Variants in STK39 observed in about 807,000 individuals in gnomAD.
STK39 encodes serine/threonine kinase 39, also known as STE20/SPS1-related proline-alanine-rich protein kinase.
A neutral mutation model predicts 77.8 loss-of-function variants in STK39; 20 were observed. That is an observed-to-expected ratio of 0.26 (90% CI 0.18 to 0.37). The LOEUF (loss-of-function observed/expected upper bound fraction) is 0.37, where lower values mean the gene tolerates loss of function less well. Among genes scored for constraint, STK39 ranks in the 10% least tolerant of loss-of-function variants. The pLI, the probability that STK39 is intolerant of heterozygous loss-of-function variation, is 1.00. For missense variants in STK39, 479 were observed against 656.5 expected, an observed-to-expected ratio of 0.73 and a Z score of 2.95; for synonymous variants, 246 against 234.1, an observed-to-expected ratio of 1.05 and a Z score of -0.47.
At chr2:168,199,547 A>G (rs1435378989) in intron 1 of STK39, among the ~76,000 whole-genome samples, 2 of 133,758 alleles carry the variant, frequency 1.5e-5, no homozygotes, top group African/African-American at 3.0e-5. Flanking sequence ...TTTTTTTTTT[A>G]GACAGAGTCT....
At chr2:168,187,264 T>C (rs986039570) in intron 1 of STK39, among the ~76,000 whole-genome samples, 7 of 151,538 alleles carry the variant, frequency 4.6e-5, no homozygotes, top group Non-Finnish European at 8.8e-5. Context: ...GGTGGGAGAA[T>C]CACTTGAACC....
At chr2:168,063,356 G>T in intron 14 of STK39, 144 bp downstream of exon 14, 1 of 668,394 alleles carries the variant, frequency 1.5e-6, no homozygotes, top group Non-Finnish European at 2.5e-6. Flanking sequence ...TTAGCCCTGG[G>T]AATACAGCAT....
chr2:168,115,093 C>A (rs1013152173), intron 10 of STK39, among the ~76,000 whole-genome samples: 1 of 152,166 alleles, frequency 6.6e-6, no homozygotes, highest in Non-Finnish European at 1.5e-5. Context: ...CTCGTATAAT[C>A]TAATCTCTCC....
intron 1 of STK39, among the ~76,000 whole-genome samples, chr2:168,241,830 T>C (rs1410984202): frequency 1.3e-5 from 2 of 152,224 alleles, no homozygotes; most frequent in Non-Finnish European, 2.9e-5. Context: ...CATTCTCTCA[T>C]TCCTCACAAC....
intron 10 of STK39, among the ~76,000 whole-genome samples, chr2:168,090,130 C>A (rs1279060534): frequency 6.6e-6 from 1 of 152,140 alleles, no homozygotes; most frequent in Non-Finnish European, 1.5e-5. Context: ...GTTAAGGTGG[C>A]ATTTGCTACA....
chr2:168,246,444 C>A (rs1371786996), intron 1 of STK39, among the ~76,000 whole-genome samples: 1 of 152,248 alleles, frequency 6.6e-6, no homozygotes, highest in Non-Finnish European at 1.5e-5. Context: ...AGATCACCGG[C>A]AGCCTCGGAT....
chr2:167,989,773 G>T (rs1314789958), intron 16 of STK39, among the ~76,000 whole-genome samples: 1 of 151,898 alleles, frequency 6.6e-6, no homozygotes, highest in African/African-American at 2.4e-5. Context: ...ATTATAGACA[G>T]GAAATTTTAA....
At chr2:168,201,131 C>G (rs898271273) in intron 1 of STK39, among the ~76,000 whole-genome samples, 1 of 152,224 alleles carries the variant, frequency 6.6e-6, no homozygotes, top group African/African-American at 2.4e-5. Context: ...AAAGGCACAT[C>G]TCATATGGTT....
chr2:168,023,116 A>C (rs1371355812), intron 14 of STK39, among the ~76,000 whole-genome samples: 1 of 151,984 alleles, frequency 6.6e-6, no homozygotes, highest in Non-Finnish European at 1.5e-5. Flanking sequence ...GGGTCTTGCT[A>C]TGTTGCTGAG....
intron 14 of STK39, among the ~76,000 whole-genome samples, chr2:168,017,569 T>C (rs1574395475): frequency 6.6e-6 from 1 of 151,752 alleles, no homozygotes; most frequent in African/African-American, 2.4e-5. Flanking sequence ...ATGGGGTTTC[T>C]CCATGTTGGT....
chr2:168,151,180 A>C (rs1688271727), intron 5 of STK39, among the ~76,000 whole-genome samples: 2 of 152,206 alleles, frequency 1.3e-5, no homozygotes, highest in Admixed American at 1.3e-4. Flanking sequence ...TTAATGAGGG[A>C]GCAGTAGTCA....
At chr2:168,226,145 C>G (rs1440482843) in intron 1 of STK39, among the ~76,000 whole-genome samples, 1 of 152,110 alleles carries the variant, frequency 6.6e-6, no homozygotes, top group Non-Finnish European at 1.5e-5. Flanking sequence ...AGCAGGTGGG[C>G]ATGAGCAAAG....
chr2:168,180,000 T>C (rs1459250488), intron 2 of STK39, among the ~76,000 whole-genome samples: 1 of 139,162 alleles, frequency 7.2e-6, no homozygotes, highest in East Asian at 2.4e-4. Context: ...TGTATCAATA[T>C]TCTGCTAATG....
At chr2:168,133,636 T>C (rs1189600610) in intron 8 of STK39, among the ~76,000 whole-genome samples, 1 of 151,950 alleles carries the variant, frequency 6.6e-6, no homozygotes, top group African/African-American at 2.4e-5. Flanking sequence ...GGAGGCCAGA[T>C]CACTTGAGGT....
At chr2:168,077,471 T>C (rs1686110401) in intron 10 of STK39, among the ~76,000 whole-genome samples, 1 of 152,174 alleles carries the variant, frequency 6.6e-6, no homozygotes, top group African/African-American at 2.4e-5. Flanking sequence ...AAACAAAATG[T>C]CTAGGATTAT....
At chr2:168,023,382 A>G (rs1574400683) in intron 14 of STK39, among the ~76,000 whole-genome samples, 2 of 152,226 alleles carry the variant, frequency 1.3e-5, no homozygotes, top group East Asian at 3.9e-4. Flanking sequence ...CGAACAATCA[A>G]ACGAGGCAGC....
intron 17 of STK39, among the ~76,000 whole-genome samples, chr2:167,957,041 T>C (rs1691804720): frequency 6.6e-6 from 1 of 152,128 alleles, no homozygotes; most frequent in African/African-American, 2.4e-5. Flanking sequence ...GTTCATAGTG[T>C]ACTGTTTTTT....
intron 1 of STK39, among the ~76,000 whole-genome samples, chr2:168,190,844 G>A (rs1367300551): frequency 6.6e-6 from 1 of 152,130 alleles, no homozygotes; most frequent in Admixed American, 6.5e-5. Context: ...AAAACTTCCT[G>A]TTCTGCTTGG....
intron 14 of STK39, among the ~76,000 whole-genome samples, chr2:168,020,472 C>T (rs947004333): frequency 1.3e-5 from 2 of 151,986 alleles, no homozygotes; most frequent in Non-Finnish European, 2.9e-5. Flanking sequence ...TAATTTCTTG[C>T]TACTATTATA....
Sources: gnomAD v4.1 joint callset for allele counts (sites outside exome capture counted in the v4.1 genomes callset) on GRCh38, gnomAD v4.1.1 for gene constraint, MANE v1.5 for transcripts, NCBI Gene and HGNC (gene_info 2026-07-23, HGNC 2026-07-21) for gene names.